POLR2B: variants seen among roughly 807,000 people sequenced by gnomAD.
POLR2B encodes RNA polymerase II subunit B, also known as DNA-directed RNA polymerase II subunit RPB2.
POLR2B carries 57 observed loss-of-function variants against 144.6 expected under a neutral mutation model. The observed-to-expected ratio is 0.39, with a 90% CI of 0.32 to 0.49. The LOEUF (loss-of-function observed/expected upper bound fraction) is 0.49, where lower values mean the gene tolerates loss of function less well. Among genes scored for constraint, POLR2B ranks in the 20% least tolerant of loss-of-function variants. POLR2B has a pLI of 0.83. For missense variants in POLR2B, 595 were observed against 1,467.4 expected, an observed-to-expected ratio of 0.41 and a Z score of 9.71; for synonymous variants, 442 against 469.8, an observed-to-expected ratio of 0.94 and a Z score of 0.77.
At chr4:56,981,670 T>C (rs548480168) in intron 1 of POLR2B, among the ~76,000 whole-genome samples, 20 of 152,388 alleles carry the variant, frequency 1.3e-4, no homozygotes, top group Admixed American at 3.9e-4. Context: ...AATGTCAGAT[T>C]TCTGTCATCC....
At chr4:57,004,380 G>A (rs1443469515) in intron 7 of POLR2B, among the ~76,000 whole-genome samples, 2 of 147,706 alleles carry the variant, frequency 1.4e-5, no homozygotes, top group Admixed American at 1.3e-4. Flanking sequence ...TTACATCCAG[G>A]GTACACGCTG....
At chr4:56,986,564 T>A in intron 2 of POLR2B, 138 bp downstream of exon 2, 1 of 516,878 alleles carries the variant, frequency 1.9e-6, no homozygotes, top group Middle Eastern at 4.3e-4. Context: ...TTTTAAGTAT[T>A]TCAGATCTAA....
intron 7 of POLR2B, among the ~76,000 whole-genome samples, chr4:57,001,494 A>G (rs1722854164): frequency 1.3e-5 from 2 of 152,356 alleles, no homozygotes; most frequent in Non-Finnish European, 2.9e-5. Flanking sequence ...ATAACAAAGT[A>G]TATAGAGGAC....
At chr4:56,983,200 C>T (rs752931540) in intron 1 of POLR2B, among the ~76,000 whole-genome samples, 4 of 152,100 alleles carry the variant, frequency 2.6e-5, no homozygotes, top group African/African-American at 7.2e-5. Flanking sequence ...TCTGTGCTTC[C>T]GCTACATTGG....
At chr4:56,995,160 G>A in intron 5 of POLR2B, 91 bp from the exon 6 acceptor site, 1 of 910,834 alleles carries the variant, frequency 1.1e-6, no homozygotes. Flanking sequence ...AGCCTATATG[G>A]TCAGATTAAA....
At position 56,978,934 on chromosome 4, in the gene POLR2B, G is replaced by C; in HGVS notation, c.-52G>C. The C allele has an allele frequency of 3.2e-6, 5 of 1,586,670 alleles. No individual in the cohort carries two copies. The Admixed American group carries it at 5.0e-5, about 16-fold the overall frequency. ...CTCCTGGCGCTGCTGGCTTCTGGGC[G>C]GTTTTTGTCTTTTGATTTCAAGAGT... is the stretch of plus-strand genomic sequence containing the variant. On this transcript the variant is annotated 5_prime_UTR_variant, in exon 1 of 25. Transcript: ENST00000314595.
chr4:57,004,783 C>G (rs1722966801), intron 7 of POLR2B, among the ~76,000 whole-genome samples: 1 of 152,216 alleles, frequency 6.6e-6, no homozygotes. Flanking sequence ...CTCCCGGGTT[C>G]AAGCGATTCT....
chr4:57,016,612 CAAT>C lies in POLR2B; in HGVS notation c.1956-426_1956-424del, dbSNP rs1319634626. On this transcript the variant is annotated intron_variant, in intron 14 of 24. Transcript: ENST00000314595. The stretch of plus-strand genomic sequence containing the variant: ...ATCTAAATTATTACATATAATATGA[CAAT>C]AATATGAATAATATAATAAGAAATT... 1.4e-4 allele frequency among the ~76,000 whole-genome samples: 20 copies of C among 146,482 alleles called. No individual in the cohort carries two copies. In the East Asian group the frequency reaches 4.3e-3, roughly 32 times the overall value.
In POLR2B at chr4:57,022,258, T is replaced by C. The variant is rs550378453; in HGVS notation, c.2515+12T>C. 2.0e-6 allele frequency: 3 copies of C among 1,521,028 alleles called. No individual in the cohort carries two copies. In the East Asian group the frequency reaches 6.8e-5, roughly 34 times the overall value. The allele number at this position is 1,521,028 out of a possible 1,614,324, so 94.2% of individuals were successfully genotyped here. On this transcript the variant is annotated intron_variant, in intron 18 of 24. Transcript: ENST00000314595. ...TGAAACATGCCAGGGTAAGTGACAC[T>C]AACATTTAAATGATGGAATCCAAAG...
rs907354461 is a variant in POLR2B at position 57,015,715 on chromosome 4, T to C, written c.1955+59T>C. ...AAAAATTGAGATAGAATTTACATAC[T>C]GTAAAATTAACCTTTTTTTATTTTT... On this transcript the variant is annotated intron_variant, in intron 14 of 24. Transcript: ENST00000314595. The C allele has an allele frequency of 7.0e-6, 5 of 712,174 alleles. No homozygotes were observed. The African/African-American group carries it at 9.2e-5, about 13-fold the overall frequency. The allele number at this position is 712,174 out of a possible 1,614,324, so 44.1% of individuals were successfully genotyped here.
At chr4:57,007,064 CTTT>C in intron 10 of POLR2B, 62 bp downstream of exon 10, 2 of 1,151,908 alleles carry the variant, frequency 1.7e-6, no homozygotes, top group Non-Finnish European at 2.5e-6. Context: ...CTAGTAGATT[CTTT>C]TGTTTGTTGA....
intron 1 of POLR2B, among the ~76,000 whole-genome samples, chr4:56,984,425 TTC>T (rs1722256249): frequency 6.6e-6 from 1 of 152,200 alleles, no homozygotes; most frequent in Non-Finnish European, 1.5e-5. Flanking sequence ...GTGTCACATG[TTC>T]TTTGTCTATA....
chr4:57,004,534 C>G (rs1472460736), intron 7 of POLR2B, among the ~76,000 whole-genome samples: 1 of 151,210 alleles, frequency 6.6e-6, no homozygotes, highest in Non-Finnish European at 1.5e-5. Context: ...CCACGCAGGC[C>G]AAACATTTTT....
intron 13 of POLR2B, among the ~76,000 whole-genome samples, chr4:57,014,985 G>A (rs896247818): frequency 6.6e-6 from 1 of 152,094 alleles, no homozygotes; most frequent in Non-Finnish European, 1.5e-5. Context: ...CGTTTCAAGT[G>A]CTCAGTCACA....
chr4:57,004,790 TTC>T (rs1423163645), intron 7 of POLR2B, among the ~76,000 whole-genome samples: 1 of 152,190 alleles, frequency 6.6e-6, no homozygotes, highest in Non-Finnish European at 1.5e-5. Context: ...GTTCAAGCGA[TTC>T]TCTCACTTTA....
At chr4:57,011,648 C>T (rs1185554542) in intron 13 of POLR2B, among the ~76,000 whole-genome samples, 1 of 152,096 alleles carries the variant, frequency 6.6e-6, no homozygotes, top group Non-Finnish European at 1.5e-5. Flanking sequence ...CATGGTGAAA[C>T]CCTGTCTCTA....
intron 10 of POLR2B, among the ~76,000 whole-genome samples, chr4:57,008,115 G>A (rs1235973694): frequency 6.6e-6 from 1 of 152,132 alleles, no homozygotes; most frequent in African/African-American, 2.4e-5. Context: ...TCAGCATCTA[G>A]CAGAGGAAAC....
chr4:57,001,559 T>C (rs1451497412), intron 7 of POLR2B, among the ~76,000 whole-genome samples: 1 of 152,214 alleles, frequency 6.6e-6, no homozygotes, highest in Non-Finnish European at 1.5e-5. Flanking sequence ...TATTTCCCCA[T>C]GATTAGATTC....
At chr4:56,982,834 C>T (rs1722197508) in intron 1 of POLR2B, among the ~76,000 whole-genome samples, 2 of 152,020 alleles carry the variant, frequency 1.3e-5, no homozygotes, top group South Asian at 4.1e-4. Context: ...AACCAGTCTC[C>T]AATGGACACT....
Sources: gnomAD v4.1 joint callset for allele counts (sites outside exome capture counted in the v4.1 genomes callset) on GRCh38, gnomAD v4.1.1 for gene constraint, MANE v1.5 for transcripts, NCBI Gene and HGNC (gene_info 2026-07-23, HGNC 2026-07-21) for gene names.